The following PSD3 variants were observed in gnomAD, a reference collection of about 807,000 sequenced individuals.
PSD3 encodes pleckstrin and Sec7 domain containing 3.
Under a neutral mutation model 105.5 loss-of-function variants are expected in PSD3, and 49 were observed. The observed-to-expected ratio is 0.46, with a 90% confidence interval of 0.37 to 0.59. The LOEUF is 0.59. PSD3 is among the 20% of genes least tolerant of loss of function. The probability of loss-of-function intolerance (pLI) is 0.00; values close to 1 mark genes in which losing one functional copy is unlikely to be tolerated. For missense variants in PSD3, 1,561 were observed against 1,263.8 expected (o/e 1.24, Z -3.57); for synonymous variants, 557 against 457.8 (o/e 1.22, Z -2.77).
intron 1 of PSD3, among the ~76,000 whole-genome samples, chr8:18,967,844 C>T (rs1006907152): frequency 1.3e-5 from 2 of 152,210 alleles, no homozygotes; most frequent in African/African-American, 4.8e-5. Flanking sequence ...AAGATACAGG[C>T]TTCTCCCAAC....
At chr8:19,078,971 C>G (rs1829553711) in intron 1 of PSD3, among the ~76,000 whole-genome samples, 1 of 151,828 alleles carries the variant, frequency 6.6e-6, no homozygotes, top group Admixed American at 6.6e-5. Context: ...AGCTCCCAAT[C>G]CAATTGCTTT....
Position 18,557,033 on chromosome 8 carries a change from T to C in PSD3, c.2785-681A>G, listed in dbSNP as rs572949507. Among the ~76,000 whole-genome samples, 72 of 152,364 alleles carry C rather than the reference T, an allele frequency of 4.7e-4. No homozygotes were observed. The South Asian group carries it at 0.014, about 30-fold the overall frequency. ...ATAGGTACCGTGTACCAATGCAATA[T>C]GGTTGATCCTACATCAAAGGATTTC... On this transcript the variant is annotated intron_variant, in intron 14 of 15. Transcript: ENST00000327040.
At chr8:18,952,224 C>T (rs922349520) in intron 1 of PSD3, among the ~76,000 whole-genome samples, 3 of 152,150 alleles carry the variant, frequency 2.0e-5, no homozygotes, top group East Asian at 1.9e-4. Context: ...GCCTACTCCA[C>T]GGTCAATGAT....
At chr8:18,574,269 C>G (rs1319233278) in intron 13 of PSD3, among the ~76,000 whole-genome samples, 1 of 152,206 alleles carries the variant, frequency 6.6e-6, no homozygotes, top group Non-Finnish European at 1.5e-5. Flanking sequence ...CCTCTCTAGG[C>G]TGATCTCTCT....
intron 8 of PSD3, among the ~76,000 whole-genome samples, chr8:18,797,383 G>GT (rs1810282534): frequency 6.6e-6 from 1 of 152,042 alleles, no homozygotes; most frequent in Non-Finnish European, 1.5e-5. Context: ...CTAACTCAAG[G>GT]TAATATTAAA....
intron 9 of PSD3, among the ~76,000 whole-genome samples, chr8:18,756,041 C>T (rs73593569): frequency 5.3e-5 from 8 of 152,246 alleles, no homozygotes; most frequent in African/African-American, 1.9e-4. Flanking sequence ...AAGCCAGAAC[C>T]TTTAAAGCTT....
At chr8:18,550,918 A>G (rs1352015211) in intron 15 of PSD3, among the ~76,000 whole-genome samples, 2 of 152,218 alleles carry the variant, frequency 1.3e-5, no homozygotes, top group African/African-American at 4.8e-5. Context: ...ATTCCACGCT[A>G]GACTGACTTA....
At chr8:18,780,745 G>T (rs373245888) in intron 8 of PSD3, among the ~76,000 whole-genome samples, 92 of 152,168 alleles carry the variant, frequency 6.0e-4, no homozygotes, top group Middle Eastern at 3.4e-3. Context: ...TAGTAGAGAC[G>T]GGGTTTCACT....
chr8:18,970,826 G>A (rs1824602845), intron 1 of PSD3, among the ~76,000 whole-genome samples: 2 of 151,882 alleles, frequency 1.3e-5, no homozygotes, highest in South Asian at 4.2e-4. Context: ...GTGGCGGTGT[G>A]CACCTGTAGT....
In PSD3 at chr8:19,033,107, A is replaced by G. The variant is rs186461120; in HGVS notation, c.324+51099T>C. On this transcript the variant is annotated intron_variant, in intron 1 of 1. Transcript: ENST00000521475. ...TCTCAAAACAAACAAACAAACAAAC[A>G]AACAAACGGAACAAAACCACACACA... 4.7e-4 allele frequency among the ~76,000 whole-genome samples: 71 copies of G among 152,224 alleles called. 1 individual carries two copies. The highest frequency in any genetic ancestry group is 1.0e-3 in the South Asian group (5 of 4,822).
chr8:18,926,380 T>C (rs576146545), intron 2 of PSD3, among the ~76,000 whole-genome samples: 1 of 151,904 alleles, frequency 6.6e-6, no homozygotes, highest in Non-Finnish European at 1.5e-5. Flanking sequence ...GACTTGGGTG[T>C]CATCCTCAAG....
intron 1 of PSD3, among the ~76,000 whole-genome samples, chr8:19,062,299 G>A (rs1292606483): frequency 1.3e-5 from 2 of 152,166 alleles, no homozygotes; most frequent in Non-Finnish European, 2.9e-5. Flanking sequence ...GCAGACTGGT[G>A]TTCCTCTCAG....
intron 9 of PSD3, among the ~76,000 whole-genome samples, chr8:18,681,153 C>T (rs1289217325): frequency 1.3e-5 from 2 of 152,098 alleles, no homozygotes; most frequent in South Asian, 2.1e-4. Flanking sequence ...ATCCCAGGAG[C>T]GAACCACGAG....
At chr8:19,077,570 G>C (rs1263497573) in intron 1 of PSD3, among the ~76,000 whole-genome samples, 2 of 152,072 alleles carry the variant, frequency 1.3e-5, no homozygotes, top group East Asian at 3.9e-4. Flanking sequence ...CGTTTGCCTA[G>C]AAACACTTGC....
intron 13 of PSD3, among the ~76,000 whole-genome samples, chr8:18,574,673 T>A (rs548881652): frequency 6.6e-6 from 1 of 152,224 alleles, no homozygotes; most frequent in East Asian, 1.9e-4. Flanking sequence ...CTGTGTGAGG[T>A]ATTATACACA....
intron 1 of PSD3, among the ~76,000 whole-genome samples, chr8:18,975,191 C>T (rs1182840111): frequency 2.0e-5 from 3 of 151,240 alleles, no homozygotes; most frequent in South Asian, 2.1e-4. Context: ...TCTGCCTAGT[C>T]CCCCCGTTTT....
At chr8:18,936,757 C>CA (rs200767893) in intron 1 of PSD3, among the ~76,000 whole-genome samples, 21,853 of 125,430 alleles carry the variant, frequency 0.17, 1,707 homozygotes, top group Middle Eastern at 0.22. Flanking sequence ...GACTCCATCT[C>CA]AAAAAAAAAA....
intron 15 of PSD3, among the ~76,000 whole-genome samples, chr8:18,550,782 A>T (rs1800717265): frequency 6.6e-6 from 1 of 152,210 alleles, no homozygotes; most frequent in South Asian, 2.1e-4. Flanking sequence ...ATCTGTACTT[A>T]GTATCCCACG....
intron 1 of PSD3, among the ~76,000 whole-genome samples, chr8:18,992,820 T>C (rs1248271592): frequency 1.4e-5 from 2 of 141,506 alleles, no homozygotes; most frequent in Non-Finnish European, 3.2e-5. Flanking sequence ...TTCTTTCTGT[T>C]TCCTCATTTG....
Sources: gnomAD v4.1 joint callset for allele counts (sites outside exome capture counted in the v4.1 genomes callset) on GRCh38, gnomAD v4.1.1 for gene constraint, MANE v1.5 for transcripts, NCBI Gene and HGNC (gene_info 2026-07-23, HGNC 2026-07-21) for gene names.